AFF4: variants seen among roughly 807,000 people sequenced by gnomAD.
AFF4 encodes the protein ALF transcription elongation factor 4.
A neutral mutation model predicts 124.8 loss-of-function variants in AFF4; 13 were observed. The ratio of observed to expected loss-of-function variants is 0.10; its 90% CI spans 0.07 to 0.17. The LOEUF (loss-of-function observed/expected upper bound fraction) is 0.17. Among genes scored for constraint, AFF4 ranks in the 10% least tolerant of loss-of-function variants. AFF4 has a pLI of 1.00. For missense variants in AFF4, 1,092 were observed against 1,403.8 expected (o/e 0.78, Z 3.55); for synonymous variants, 477 against 496.1 (o/e 0.96, Z 0.51).
chr5:132,928,702 T>C (rs1761235717), intron 4 of AFF4, among the ~76,000 whole-genome samples: 1 of 152,142 alleles, frequency 6.6e-6, no homozygotes, highest in South Asian at 2.1e-4. Flanking sequence ...GAAATTTAAC[T>C]GTTGATATGT....
intron 7 of AFF4, chr5:132,900,951 T>A: frequency 1.0e-6 from 1 of 985,182 alleles, no homozygotes. Context: ...GTACTTTTCC[T>A]CCTCAAAGTT....
chr5:132,921,885 A>G (rs1761057244), intron 5 of AFF4, among the ~76,000 whole-genome samples: 1 of 151,316 alleles, frequency 6.6e-6, no homozygotes, highest in South Asian at 2.1e-4. Context: ...CAGTCAAGCA[A>G]TCCTCCCAGC....
At chr5:132,932,681 A>G (rs1220619449) in intron 3 of AFF4, among the ~76,000 whole-genome samples, 12 of 152,234 alleles carry the variant, frequency 7.9e-5, no homozygotes, top group African/African-American at 1.9e-4. Context: ...AGTAACTCCT[A>G]CGAGCTTAGC....
chr5:132,881,913 G>A (rs184327331), intron 20 of AFF4, among the ~76,000 whole-genome samples: 17 of 149,944 alleles, frequency 1.1e-4, no homozygotes, highest in Admixed American at 1.0e-3. Context: ...TGATCCACTC[G>A]CCTTGGCTTC....
Position 132,876,248 on chromosome 5 carries a change from T to G in AFF4, c.*4811A>C, listed in dbSNP as rs1759837642. 4.3e-6 allele frequency: 1 copy of G among 230,122 alleles called. No homozygotes were observed. Among genetic ancestry groups the G allele is most frequent in the Admixed American group, 5.7e-5 (1 of 17,654 alleles). The allele number at this position is 230,122 out of a possible 1,614,324, so 14.3% of individuals were successfully genotyped here. ...CTGTTGAATGCTCATGTTAATGATTTGCCAGGTGTGTGCATAAAGTTGTAA... is the reference window on the plus strand; with the variant it reads ...CTGTTGAATGCTCATGTTAATGATTGGCCAGGTGTGTGCATAAAGTTGTAA... On this transcript the variant is annotated 3_prime_UTR_variant, in exon 21 of 21. Coordinates refer to ENST00000265343, the MANE Select transcript of AFF4 (RefSeq NM_014423.4).
chr5:132,959,275 C>G (rs570096043), intron 1 of AFF4, among the ~76,000 whole-genome samples: 1 of 151,976 alleles, frequency 6.6e-6, no homozygotes, highest in East Asian at 1.9e-4. Context: ...ACAGGCGCCA[C>G]CATGCCCAGC....
intron 1 of AFF4, chr5:132,943,425 T>C (rs1761620513): frequency 5.6e-6 from 1 of 180,010 alleles, no homozygotes. Context: ...AGATGGCAAA[T>C]GCCAGTATAA....
chr5:132,953,711 A>C (rs1394093907), intron 1 of AFF4, among the ~76,000 whole-genome samples: 1 of 152,196 alleles, frequency 6.6e-6, no homozygotes, highest in East Asian at 1.9e-4. Flanking sequence ...CTCTCTTCAA[A>C]TCTAATCCAT....
intron 4 of AFF4, among the ~76,000 whole-genome samples, chr5:132,931,623 G>A (rs1389785097): frequency 1.3e-5 from 2 of 152,166 alleles, no homozygotes; most frequent in Admixed American, 6.5e-5. Flanking sequence ...TGTTTTCCAG[G>A]CAAAGTAAGT....
At chr5:132,957,345 AT>A (rs1761987256) in intron 1 of AFF4, among the ~76,000 whole-genome samples, 1 of 151,940 alleles carries the variant, frequency 6.6e-6, no homozygotes, top group Non-Finnish European at 1.5e-5. Context: ...GTCCAAAAAA[AT>A]AATAATTATT....
chr5:132,959,740 C>T (rs1342914343), intron 1 of AFF4, among the ~76,000 whole-genome samples: 2 of 140,932 alleles, frequency 1.4e-5, no homozygotes, highest in Admixed American at 7.3e-5. Flanking sequence ...GAGTTAACAA[C>T]AAGTAGGAGT....
intron 5 of AFF4, among the ~76,000 whole-genome samples, chr5:132,913,885 G>C (rs544023598): frequency 2.6e-5 from 4 of 152,122 alleles, no homozygotes; most frequent in Admixed American, 6.5e-5. Context: ...AAAATATGCA[G>C]AAAATCTCCA....
chr5:132,905,059 A>AAG (rs1391774797), intron 5 of AFF4, among the ~76,000 whole-genome samples: 1 of 151,844 alleles, frequency 6.6e-6, no homozygotes, highest in African/African-American at 2.4e-5. Flanking sequence ...AAAAAAAAAA[A>AAG]AAAAAAAGTA....
At position 132,916,540 on chromosome 5, in the gene AFF4, A is replaced by G. The variant is rs545717305; in HGVS notation, c.1050+10581T>C. Among the ~76,000 whole-genome samples the G allele has an allele frequency of 1.8e-4, 28 of 152,282 alleles. No individual in the cohort carries two copies. The South Asian group carries it at 2.3e-3, about 12-fold the overall frequency. On this transcript the variant is annotated intron_variant, in intron 5 of 20. Coordinates refer to ENST00000265343, the MANE Select transcript of AFF4 (RefSeq NM_014423.4). ...TTCCTATCCCATAATTTCACCTAGC[A>G]TTCTTTGACAAATCAATGATCTTAA...
chr5:132,897,762 ATATTCC>A (rs983274306), intron 10 of AFF4, among the ~76,000 whole-genome samples: 8 of 152,156 alleles, frequency 5.3e-5, no homozygotes, highest in African/African-American at 1.9e-4. Context: ...TAAATAGCAA[ATATTCC>A]TATTCAAGAA....
intron 4 of AFF4, among the ~76,000 whole-genome samples, chr5:132,930,926 T>A (rs1581314698): frequency 2.5e-5 from 3 of 121,992 alleles, no homozygotes; most frequent in South Asian, 5.5e-4. Context: ...TGAAACCCTA[T>A]CTCTACTAAA....
intron 1 of AFF4, chr5:132,945,520 G>A (rs1761676814): frequency 6.6e-6 from 1 of 152,290 alleles, no homozygotes; most frequent in African/African-American, 2.4e-5. Flanking sequence ...GGGAGGCCAA[G>A]GCAGGAGGAT....
chr5:132,892,452 G>A (rs1467031343), intron 12 of AFF4, 48 bp from the exon 13 acceptor site: 20 of 1,544,630 alleles, frequency 1.3e-5, no homozygotes, highest in Non-Finnish European at 1.7e-5. Context: ...GTAATACAGG[G>A]GTAATTGATT....
intron 1 of AFF4, among the ~76,000 whole-genome samples, chr5:132,942,319 G>A (rs908078876): frequency 6.6e-6 from 1 of 152,120 alleles, no homozygotes; most frequent in Non-Finnish European, 1.5e-5. Context: ...TAAATAAACC[G>A]TCAAATGAAG....
Sources: allele counts gnomAD v4.1 joint callset (sites outside exome capture counted in the v4.1 genomes callset), GRCh38; gene constraint gnomAD v4.1.1; transcripts MANE v1.5; gene names NCBI Gene and HGNC (gene_info 2026-07-23, HGNC 2026-07-21).